TTC39A: variants seen among roughly 807,000 people sequenced by gnomAD.
TTC39A encodes tetratricopeptide repeat domain 39A, also known as tetratricopeptide repeat protein 39A.
In TTC39A, 46 loss-of-function variants were observed where a neutral mutation model predicts 82.3. That is an observed-to-expected ratio of 0.56 (90% CI 0.44 to 0.71). The LOEUF is 0.71. TTC39A is among the 30% of genes least tolerant of loss of function. TTC39A has a pLI of 0.00. For missense variants in TTC39A, 543 were observed against 712.9 expected (o/e 0.76, Z 2.71); for synonymous variants, 254 against 275.2 (o/e 0.92, Z 0.76).
intron 2 of TTC39A, among the ~76,000 whole-genome samples, chr1:51,315,277 A>G (rs1342337964): frequency 6.6e-6 from 1 of 152,146 alleles, no homozygotes; most frequent in Non-Finnish European, 1.5e-5. Flanking sequence ...ACCTCCTGGA[A>G]GCCCCCAACT....
Position 51,321,680 on chromosome 1 carries a change from G to A in TTC39A, c.146+41C>T, listed in dbSNP as rs368712923. ...ACAAGACCTCTGGTTCTCCCTGACC[G>A]TCATGCACACCCCCTACCCCAACCG... On this transcript the variant is annotated intron_variant, in intron 2 of 17. Transcript: ENST00000680483. The surrounding 1 kb of genome is among the most constrained non-coding windows in gnomAD (Gnocchi z 4.6). The A allele has an allele frequency of 1.1e-5, 18 of 1,586,316 alleles. No individual in the cohort carries two copies. Among genetic ancestry groups the A allele is most frequent in the South Asian group, 6.8e-5 (6 of 88,828 alleles).
rs761636748 is a variant in TTC39A, at chr1:51,306,037, C to T, written c.528G>A (p.Lys176=). 1.2e-6 allele frequency: 2 copies of T among 1,614,000 alleles called. No homozygotes were observed. Among genetic ancestry groups the T allele is most frequent in the Non-Finnish European group, 1.7e-6 (2 of 1,179,866 alleles). Reference sequence around the variant, plus strand: ...CTTCAAAGTGCGGGTGGTTCTCACCCTTGCAGTATTGTGAGGACTGAACAA... The same window carrying T: ...CTTCAAAGTGCGGGTGGTTCTCACCTTTGCAGTATTGTGAGGACTGAACAA... ...DSLVQSSQYC[K]GENHPHFEGG... is the part of the protein sequence containing the mutation. Residue 176 remains lysine, a synonymous_variant, in exon 7 of 18, where the codon AAG becomes AAA. Transcript: ENST00000680483.
intron 2 of TTC39A, among the ~76,000 whole-genome samples, chr1:51,320,385 T>C (rs1367655337): frequency 1.3e-5 from 2 of 151,396 alleles, no homozygotes; most frequent in Non-Finnish European, 2.9e-5. Flanking sequence ...ATTCTTTCTT[T>C]CTTTTCTTTT....
At chr1:51,307,450 T>C (rs950518562) in intron 6 of TTC39A, among the ~76,000 whole-genome samples, 4 of 151,982 alleles carry the variant, frequency 2.6e-5, no homozygotes, top group African/African-American at 4.8e-5. Flanking sequence ...AGATGATAAA[T>C]AGGCCAGGCG....
At chr1:51,330,648 G>A (rs2148312969), upstream of TTC39A, 2 of 979,876 alleles carry the variant, frequency 2.0e-6, no homozygotes, top group Non-Finnish European at 2.4e-6. This position sits in a 1 kb window ranked among gnomAD's most constrained non-coding sequence, Gnocchi z 4.5. Flanking sequence ...CTCCCCACCC[G>A]CACCGTAGGG....
chr1:51,331,731 A>G (rs1038007490), upstream of TTC39A: 3 of 985,308 alleles, frequency 3.0e-6, no homozygotes, highest in Non-Finnish European at 3.6e-6. Context: ...CATCTCTAGG[A>G]GTCTCATATA....
intron 11 of TTC39A, 117 bp downstream of exon 11, chr1:51,302,240 G>GGCC: frequency 1.6e-6 from 1 of 623,706 alleles, no homozygotes; most frequent in South Asian, 1.6e-5. Flanking sequence ...TTCTCTCTTG[G>GGCC]CCCCCCCCCC....
chr1:51,330,003 A>G lies in TTC39A; in HGVS notation c.41+434T>C. The G allele has an allele frequency of 2.8e-6, 1 of 354,260 alleles. No individual in the cohort carries two copies. The highest frequency in any genetic ancestry group is 3.9e-6 in the Non-Finnish European group (1 of 253,238). The allele number at this position is 354,260 out of a possible 1,614,324, so 21.9% of individuals were successfully genotyped here. ...ATGGGGTGGGGGGATCTGACAACAG[A>G]CAGAACTGAGTTCAAATCCCACCCG... is the stretch of plus-strand genomic sequence containing the variant. On this transcript the variant is annotated intron_variant, in intron 1 of 17. Coordinates refer to ENST00000680483, the MANE Select transcript of TTC39A (RefSeq NM_001297663.2). This position sits in a 1 kb window ranked among gnomAD's most constrained non-coding sequence, Gnocchi z 4.5.
chr1:51,340,508 C>G (rs369125852), intron 1 of TTC39A, among the ~76,000 whole-genome samples: 1 of 152,188 alleles, frequency 6.6e-6, no homozygotes, highest in African/African-American at 2.4e-5. Context: ...AAATGCTGCC[C>G]TCCTCCCTCA....
intron 11 of TTC39A, 29 bp downstream of exon 11, chr1:51,302,328 C>A (rs775606254): frequency 1.3e-6 from 2 of 1,583,174 alleles, no homozygotes; most frequent in African/African-American, 1.4e-5. Context: ...GAGGGATCCC[C>A]AGCCCCGGCC....
In TTC39A at chr1:51,287,679, T is replaced by G. The variant is rs1165685765; in HGVS notation, c.*478A>C. On this transcript the variant is annotated 3_prime_UTR_variant, in exon 18 of 18. Transcript: ENST00000680483. ...TAGCCTCTCCCAGGCATTCCTCAGG[T>G]CCTCTGAAGGACCTTCCGTCACACA... 1 of 161,816 alleles carries G rather than the reference T, an allele frequency of 6.2e-6. No individual in the cohort carries two copies. Among genetic ancestry groups the G allele is most frequent in the African/African-American group, 2.4e-5 (1 of 41,824 alleles). The allele number at this position is 161,816 out of a possible 1,614,324, so 10.0% of individuals were successfully genotyped here.
upstream of TTC39A, chr1:51,331,768 T>C: frequency 1.0e-6 from 1 of 985,354 alleles, no homozygotes; most frequent in Non-Finnish European, 1.2e-6. Context: ...AATTAACTAC[T>C]AGAAGTAAGC....
intron 2 of TTC39A, among the ~76,000 whole-genome samples, chr1:51,313,423 G>C (rs1013012114): frequency 1.1e-4 from 17 of 152,054 alleles, no homozygotes; most frequent in African/African-American, 4.1e-4. Context: ...CTAGTCACCT[G>C]CTGCCTCTTC....
At chr1:51,345,026 G>T in exon 1 of TTC39A, 1 of 1,519,500 alleles carries the variant, frequency 6.6e-7, no homozygotes. Flanking sequence ...CCTCCTTCCA[G>T]GTGGTCAGAA....
At chr1:51,325,634 T>C (rs1645686444) in intron 1 of TTC39A, among the ~76,000 whole-genome samples, 2 of 152,196 alleles carry the variant, frequency 1.3e-5, no homozygotes, top group African/African-American at 4.8e-5. Flanking sequence ...AGGTCACACA[T>C]CCAAGCTAAG....
chr1:51,322,306 T>C (rs904451948), intron 1 of TTC39A: 14 of 1,418,264 alleles, frequency 9.9e-6, no homozygotes, highest in African/African-American at 2.9e-5. Context: ...TGTCACACTA[T>C]GGGTCAGCAG....
chr1:51,308,589 G>C (rs1391354076), intron 6 of TTC39A, among the ~76,000 whole-genome samples: 5 of 152,202 alleles, frequency 3.3e-5, no homozygotes, highest in African/African-American at 1.2e-4. Context: ...CTTGGTGAGT[G>C]GGGGACTGGA....
chr1:51,312,004 T>G (rs1431389566), intron 4 of TTC39A, 115 bp downstream of exon 4: 6 of 1,133,994 alleles, frequency 5.3e-6, no homozygotes, highest in African/African-American at 1.6e-5. Flanking sequence ...TGTCCTGGCA[T>G]GGACACCAGG....
At chr1:51,309,541 T>A in intron 5 of TTC39A, 1 of 1,193,002 alleles carries the variant, frequency 8.4e-7, no homozygotes, top group Non-Finnish European at 1.1e-6. Flanking sequence ...ACATACTCTG[T>A]GCTTGGAGAG....
Sources: allele counts gnomAD v4.1 joint callset (sites outside exome capture counted in the v4.1 genomes callset), GRCh38; gene constraint gnomAD v4.1.1; non-coding constraint Gnocchi (gnomAD v3.1); transcripts MANE v1.5; gene names NCBI Gene and HGNC (gene_info 2026-07-23, HGNC 2026-07-21).